The following IQCF5 variants were observed in gnomAD, a reference collection of about 807,000 sequenced individuals.
IQCF5 encodes IQ domain-containing protein F5.
In IQCF5, 2 loss-of-function variants were observed where a neutral mutation model predicts 3.4. The ratio of observed to expected loss-of-function variants is 0.58; its 90% CI spans 0.24 to 1.84. The LOEUF (loss-of-function observed/expected upper bound fraction) is 1.84, where lower values mean the gene tolerates loss of function less well. IQCF5 is among the 40% of genes most tolerant of loss of function. The pLI, the probability that IQCF5 is intolerant of heterozygous loss-of-function variation, is 0.17. For synonymous variants in IQCF5, 58 were observed against 64.7 expected (o/e 0.90, Z 0.49); for missense variants, 167 against 191.6 (o/e 0.87, Z 0.76).
intron 1 of IQCF5, 145 bp downstream of exon 1, chr3:51,875,383 A>G (rs1698785077): frequency 1.1e-6 from 1 of 895,962 alleles, no homozygotes; most frequent in South Asian, 1.5e-5. Flanking sequence ...TAGGACTTCA[A>G]ACATGGAGGG....
At position 51,873,885 on chromosome 3, in the gene IQCF5, C is replaced by A. The variant is rs1285217001; in HGVS notation, c.295G>T (p.Val99Phe). Residue 99 changes from valine to phenylalanine, a missense_variant, in exon 2 of 2, where the codon GTC becomes TTC. Coordinates refer to ENST00000446461, the MANE Select transcript of IQCF5 (RefSeq NM_001145059.2). ...TGGCAGCTGTGCCAGCGCCAATAGACCTGGATGATGCGGACAGCGTTGAGC... is the reference window on the plus strand; with the variant it reads ...TGGCAGCTGTGCCAGCGCCAATAGAACTGGATGATGCGGACAGCGTTGAGC... ...RLLNAVRIIQ[V>F]YWRWHSCHSR... The A allele has an allele frequency of 6.4e-7, 1 of 1,551,746 alleles. No individual in the cohort carries two copies. Among genetic ancestry groups the A allele is most frequent in the Non-Finnish European group, 8.7e-7 (1 of 1,147,004 alleles).
At position 51,875,537 on chromosome 3, in the gene IQCF5, G is replaced by T. The variant is rs150191225; in HGVS notation, c.-6C>A. On this transcript the variant is annotated 5_prime_UTR_variant, in exon 1 of 2. Transcript: ENST00000446461. Reference sequence around the variant, plus strand: ...GACTTTACTAAATTACCCATGGTTAGGGGCTAGATGGTCCCATCACCCTCC... The same window carrying T: ...GACTTTACTAAATTACCCATGGTTATGGGCTAGATGGTCCCATCACCCTCC... 2.3e-4 allele frequency: 360 copies of T among 1,552,094 alleles called. 4 individuals are homozygous for T. The East Asian group carries it at 8.8e-3, about 38-fold the overall frequency.
chr3:51,874,839 C>G (rs1326899796), intron 1 of IQCF5: 1 of 185,482 alleles, frequency 5.4e-6, no homozygotes, highest in Non-Finnish European at 1.1e-5. Context: ...CGTATCTCAG[C>G]CAGACTCACA....
rs1163101616 is a variant in IQCF5, at chr3:51,874,160, G to T, written c.20C>A (p.Thr7Asn). 10 of 1,551,182 alleles carry T rather than the reference G, an allele frequency of 6.4e-6. No homozygotes were observed. Among genetic ancestry groups the T allele is most frequent in the Admixed American group, 3.9e-5 (2 of 50,970 alleles). The change falls in exon 2 of 2, where the codon ACC becomes AAC. Residue 7 changes from threonine to asparagine, a missense_variant. Transcript: ENST00000446461. MGPEEKTIMTERSAAVF... is the reference protein window; with the variant it reads MGPEEKNIMTERSAAVF... ...AGCTGCAGACCTTTCTGTCATGATG[G>T]TCTTCTCTTCTGGGCCTTACAAGAG...
At position 51,873,760 on chromosome 3, in the gene IQCF5, T is replaced by C. The variant is rs930088622; in HGVS notation, c.420A>G (p.Gln140=). Residue 140 remains glutamine (Q), a synonymous_variant, in exon 2 of 2, where the codon CAA becomes CAG. Coordinates refer to ENST00000446461, the MANE Select transcript of IQCF5 (RefSeq NM_001145059.2). The part of the protein sequence containing the change: ...SLGLQACKVQ[Q]CIPLPLKE ...ATTCTTTTAATGGAAGGGGTATGCATTGTTGCACCTTACAAGCCTGTAAGC... is the reference window on the plus strand; with the variant it reads ...ATTCTTTTAATGGAAGGGGTATGCACTGTTGCACCTTACAAGCCTGTAAGC... The C allele has an allele frequency of 4.5e-6, 7 of 1,551,636 alleles. No homozygotes were observed. The highest frequency in any genetic ancestry group is 5.2e-6 in the Non-Finnish European group (6 of 1,146,908).
At chr3:51,875,449 G>A in intron 1 of IQCF5, 79 bp downstream of exon 1, 7 of 1,444,208 alleles carry the variant, frequency 4.8e-6, no homozygotes, top group Non-Finnish European at 6.7e-6. Context: ...AAGCTAGTGT[G>A]GTTCTGACTG....
intron 1 of IQCF5, chr3:51,875,278 G>A (rs1489723916): frequency 3.5e-6 from 2 of 569,222 alleles, no homozygotes; most frequent in East Asian, 2.9e-5. Flanking sequence ...AGTGTATGGG[G>A]GGAAATAGGG....
intron 1 of IQCF5, chr3:51,874,539 TG>T: frequency 2.3e-6 from 1 of 441,088 alleles, no homozygotes; most frequent in Non-Finnish European, 4.5e-6. Flanking sequence ...GCTGAAGAAG[TG>T]GTGTCCTTTG....
At chr3:51,874,314 C>T in intron 1 of IQCF5, 139 bp from the exon 2 acceptor site, 1 of 827,842 alleles carries the variant, frequency 1.2e-6, no homozygotes, top group Non-Finnish European at 2.0e-6. Flanking sequence ...TGTCCCCCCT[C>T]TGCCACCCAC....
At position 51,873,953 on chromosome 3, in the gene IQCF5, G is replaced by C. The variant is rs1450846624; in HGVS notation, c.227C>G (p.Ser76Cys). 1 of 1,551,946 alleles carries C rather than the reference G, an allele frequency of 6.4e-7. No individual in the cohort carries two copies. Among genetic ancestry groups the C allele is most frequent in the Admixed American group, 2.0e-5 (1 of 51,012 alleles). Residue 76 changes from serine to cysteine, a missense_variant, in exon 2 of 2, where the codon TCC (serine) becomes TGC (cysteine). Physicochemically the swap from Ser to Cys is moderately radical, Grantham distance 112 (BLOSUM62 -1). Coordinates refer to ENST00000446461, the MANE Select transcript of IQCF5 (RefSeq NM_001145059.2). ...GCGGACACACCACATGCGGACCCAG[G>C]ACTGCAGCCTGACTGCTGCCCATTC... ...QQEWAAVRLQ[S>C]WVRMWCVRQR...
Position 51,873,884 on chromosome 3 carries a change from A to G in IQCF5, c.296T>C (p.Val99Ala). 1 of 1,551,742 alleles carries G rather than the reference A, an allele frequency of 6.4e-7. No homozygotes were observed. Among genetic ancestry groups the G allele is most frequent in the Admixed American group, 2.0e-5 (1 of 51,012 alleles). ...RLLNAVRIIQVYWRWHSCHSR... is the reference protein window; with the variant it reads ...RLLNAVRIIQAYWRWHSCHSR... The stretch of plus-strand genomic sequence containing the variant: ...ATGGCAGCTGTGCCAGCGCCAATAG[A>G]CCTGGATGATGCGGACAGCGTTGAG... The change falls in exon 2 of 2, where the codon GTC (valine) becomes GCC (alanine). Residue 99 changes from valine to alanine, a missense_variant. Val to Ala is a moderately conservative substitution (Grantham distance 64). Coordinates refer to ENST00000446461, the MANE Select transcript of IQCF5 (RefSeq NM_001145059.2).
Position 51,874,145 on chromosome 3 carries a change from C to A in IQCF5, c.35G>T (p.Arg12Met). The A allele has an allele frequency of 6.4e-7, 1 of 1,551,884 alleles. No homozygotes were observed. Among genetic ancestry groups the A allele is most frequent in the Non-Finnish European group, 8.7e-7 (1 of 1,146,934 alleles). Residue 12 changes from arginine to methionine, a missense_variant, in exon 2 of 2, where the codon AGG (arginine) becomes ATG (methionine). By Grantham distance (91) the Arg-to-Met change is moderately conservative. Transcript: ENST00000446461. The stretch of plus-strand genomic sequence containing the variant: ...GGCCTGGATGAAAACAGCTGCAGAC[C>A]TTTCTGTCATGATGGTCTTCTCTTC... ...GPEEKTIMTE[R>M]SAAVFIQAWW...
chr3:51,874,021 C>T lies in IQCF5; in HGVS notation c.159G>A (p.Leu53=), dbSNP rs1478037898. The change falls in exon 2 of 2, where the codon CTG becomes CTA. Residue 53 remains leucine (L), a synonymous_variant. Transcript: ENST00000446461. ...CWWRQVLEKL[L]AKRRRMVLEF... is the part of the protein sequence containing the mutation. The stretch of plus-strand genomic sequence containing the variant: ...CCAACACCATCCTCCGCCTCTTTGC[C>T]AGCAGCTTCTCCAGCACCTGCCTCC... 1.3e-6 allele frequency: 2 copies of T among 1,552,970 alleles called. No individual in the cohort carries two copies. The highest frequency in any genetic ancestry group is 1.7e-6 in the Non-Finnish European group (2 of 1,147,602).
At position 51,874,017 on chromosome 3, in the gene IQCF5, T is replaced by G; in HGVS notation, c.163A>C (p.Lys55Gln). Residue 55 changes from lysine to glutamine, a missense_variant, in exon 2 of 2, where the codon AAG becomes CAG. Lys to Gln is a moderately conservative substitution (Grantham distance 53). Transcript: ENST00000446461. ...AACTCCAACACCATCCTCCGCCTCT[T>G]TGCCAGCAGCTTCTCCAGCACCTGC... ...WRQVLEKLLAKRRRMVLEFYV... is the reference protein window; with the variant it reads ...WRQVLEKLLAQRRRMVLEFYV... 6.4e-7 allele frequency: 1 copy of G among 1,552,822 alleles called. No homozygotes were observed. The highest frequency in any genetic ancestry group is 8.7e-7 in the Non-Finnish European group (1 of 1,147,510).
chr3:51,875,478 A>T, intron 1 of IQCF5, 50 bp downstream of exon 1: 1 of 1,549,764 alleles, frequency 6.5e-7, no homozygotes, highest in Non-Finnish European at 8.7e-7. Flanking sequence ...AAAACATCTG[A>T]CTGGGGACAG....
At chr3:51,875,186 C>T in intron 1 of IQCF5, 1 of 292,232 alleles carries the variant, frequency 3.4e-6, no homozygotes, top group South Asian at 4.2e-5. Flanking sequence ...CCCTTTGTTC[C>T]TTCCAGCTCT....
At position 51,875,563 on chromosome 3, in the gene IQCF5, G is replaced by C; in HGVS notation, c.-32C>G. The stretch of plus-strand genomic sequence containing the variant: ...GGGCTAGATGGTCCCATCACCCTCC[G>C]GCCCGCACTCCTCCGATCAGGACTC... On this transcript the variant is annotated 5_prime_UTR_variant, in exon 1 of 2. Coordinates refer to ENST00000446461, the MANE Select transcript of IQCF5 (RefSeq NM_001145059.2). 1.9e-6 allele frequency: 3 copies of C among 1,551,834 alleles called. No individual in the cohort carries two copies. The highest frequency in any genetic ancestry group is 1.7e-6 in the Non-Finnish European group (2 of 1,146,986).
chr3:51,873,818 TTTTC>T lies in IQCF5; in HGVS notation c.358_361del (p.Glu120ThrfsTer26). ...GATTTCAAGTTGAATATTAAGTTGG[TTTTC>T]TTTGAGTTCATAGTGGCCCTCAATA... On this transcript the variant is annotated frameshift_variant, in exon 2 of 2. Coordinates refer to ENST00000446461, the MANE Select transcript of IQCF5 (RefSeq NM_001145059.2). LOFTEE classifies it low-confidence loss of function (END_TRUNC). The T allele has an allele frequency of 6.4e-7, 1 of 1,551,744 alleles. No individual in the cohort carries two copies. Among genetic ancestry groups the T allele is most frequent in the African/African-American group, 1.4e-5 (1 of 73,180 alleles).
intron 1 of IQCF5, chr3:51,875,236 T>A: frequency 2.3e-6 from 1 of 428,086 alleles, no homozygotes; most frequent in Non-Finnish European, 4.4e-6. Context: ...TTAATGATCA[T>A]TTAAAACAGC....
Sources: allele counts gnomAD v4.1 joint callset, GRCh38; gene constraint gnomAD v4.1.1; transcripts MANE v1.5; gene names NCBI Gene and HGNC (gene_info 2026-07-23, HGNC 2026-07-21).